Variants in TANC2 observed in about 807,000 individuals in gnomAD.
TANC2 encodes the protein protein TANC2.
Under a neutral mutation model 210.5 loss-of-function variants are expected in TANC2, and 26 were observed. The ratio of observed to expected loss-of-function variants is 0.12; its 90% CI spans 0.09 to 0.17. The LOEUF (loss-of-function observed/expected upper bound fraction) is 0.17, where lower values mean the gene tolerates loss of function less well. Among genes scored for constraint, TANC2 ranks in the 10% least tolerant of loss-of-function variants. The probability of loss-of-function intolerance (pLI) is 1.00; values close to 1 mark genes in which losing one functional copy is unlikely to be tolerated. For synonymous variants in TANC2, 931 were observed against 967.1 expected, an observed-to-expected ratio of 0.96 and a Z score of 0.69; for missense variants, 2,129 against 2,608.9, an observed-to-expected ratio of 0.82 and a Z score of 4.01.
At chr17:63,232,640 C>T (rs2042507755) in intron 7 of TANC2, among the ~76,000 whole-genome samples, 1 of 152,226 alleles carries the variant, frequency 6.6e-6, no homozygotes, top group Non-Finnish European at 1.5e-5. Context: ...TCTAGGAGCT[C>T]CATCCCAGAG....
chr17:62,999,215 G>GTC (rs758038440), intron 1 of TANC2, among the ~76,000 whole-genome samples: 8 of 152,136 alleles, frequency 5.3e-5, no homozygotes, highest in Non-Finnish European at 7.4e-5. Flanking sequence ...AACACACACT[G>GTC]TCTCTCACTC....
chr17:63,381,966 A>G (rs1054476347), intron 15 of TANC2, among the ~76,000 whole-genome samples: 4 of 152,214 alleles, frequency 2.6e-5, no homozygotes, highest in Non-Finnish European at 5.9e-5. Context: ...TTAAGAAACC[A>G]TGAGCTTAGA....
chr17:63,062,216 C>G lies in TANC2; in HGVS notation c.68-11727C>G, dbSNP rs79269876. ...CATTTTTGTTTAAAATTAGTTTACC[C>G]AAGTATGTATAAGGAGACATGTCAT... is the stretch of plus-strand genomic sequence containing the variant. On this transcript the variant is annotated intron_variant, in intron 2 of 27. Transcript: ENST00000689528. 3.4e-3 allele frequency among the ~76,000 whole-genome samples: 520 copies of G among 152,182 alleles called. 3 individuals are homozygous for G. Among genetic ancestry groups the G allele is most frequent in the Admixed American group, 5.7e-3 (87 of 15,290 alleles).
chr17:63,399,621 A>G (rs1042393178), intron 19 of TANC2, among the ~76,000 whole-genome samples: 1 of 152,252 alleles, frequency 6.6e-6, no homozygotes, highest in Non-Finnish European at 1.5e-5. Flanking sequence ...AACCAGGGCA[A>G]TGAAAACTGT....
In TANC2 at chr17:63,350,881, A is replaced by G. The variant is rs1017076840; in HGVS notation, c.1808-369A>G. ...CTTTAATGCTGTCAGATAGGGAAAA[A>G]AAAAAAAAAAAAACAGAACATGTTC... On this transcript the variant is annotated intron_variant, in intron 12 of 27. Transcript: ENST00000689528. Among the ~76,000 whole-genome samples the G allele has an allele frequency of 3.5e-3, 528 of 151,942 alleles. 3 individuals are homozygous for G. Among genetic ancestry groups the G allele is most frequent in the African/African-American group, 0.012 (505 of 41,462 alleles).
rs1332298931 is a variant in TANC2, at chr17:63,330,463, G to A, written c.1576-9638G>A. 2.0e-5 allele frequency among the ~76,000 whole-genome samples: 3 copies of A among 151,730 alleles called. No individual in the cohort carries two copies. In the East Asian group the frequency reaches 5.8e-4, roughly 29 times the overall value. On this transcript the variant is annotated intron_variant, in intron 11 of 27. Transcript: ENST00000689528. ...TTATTTTAAAAAAAAAATTTATTCA[G>A]GATCATAATTTGCATGACAATAAAC... is the stretch of plus-strand genomic sequence containing the variant.
intron 1 of TANC2, among the ~76,000 whole-genome samples, chr17:62,975,125 TAG>T: frequency 6.6e-6 from 1 of 152,288 alleles, no homozygotes; most frequent in East Asian, 1.9e-4. Context: ...AGTGGGTATA[TAG>T]AGATTGTGAT....
rs1039304918 is a variant in TANC2 at position 63,405,001 on chromosome 17, CATT to C, written c.3332-117_3332-115del. The C allele has an allele frequency of 1.4e-4, 172 of 1,209,718 alleles. No homozygotes were observed. In the Middle Eastern group the frequency reaches 1.7e-3, roughly 12 times the overall value. 74.9% of individuals were successfully genotyped at this position (1,209,718 alleles called of 1,614,324 possible). On this transcript the variant is annotated intron_variant, in intron 19 of 27. Coordinates refer to ENST00000689528, the Ensembl canonical transcript of TANC2. The stretch of plus-strand genomic sequence containing the variant: ...TCTTTATGGAAAAGGTGGCAAAAAT[CATT>C]ATTCTTAGAAGTAAAGTAGCAATTA...
At chr17:63,230,838 A>T (rs1288745732) in intron 7 of TANC2, among the ~76,000 whole-genome samples, 1 of 152,066 alleles carries the variant, frequency 6.6e-6, no homozygotes, top group Non-Finnish European at 1.5e-5. Context: ...TTCTGTCTTG[A>T]TTATCTGTCT....
At chr17:62,997,800 A>G (rs1454411144) in intron 1 of TANC2, among the ~76,000 whole-genome samples, 2 of 152,196 alleles carry the variant, frequency 1.3e-5, no homozygotes, top group Non-Finnish European at 2.9e-5. Context: ...TGTTTCTCAG[A>G]CTGGAAACCA....
At chr17:63,196,982 C>G (rs572599434) in intron 6 of TANC2, among the ~76,000 whole-genome samples, 2 of 152,060 alleles carry the variant, frequency 1.3e-5, no homozygotes, top group Admixed American at 6.6e-5. Flanking sequence ...CCATACTGTT[C>G]CAGTGTAATG....
chr17:63,356,244 C>T (rs1029692824), intron 14 of TANC2, among the ~76,000 whole-genome samples: 4 of 152,152 alleles, frequency 2.6e-5, no homozygotes, highest in African/African-American at 9.7e-5. Flanking sequence ...GCATCCTGGT[C>T]GGGGTGTGCT....
intron 7 of TANC2, among the ~76,000 whole-genome samples, chr17:63,204,456 G>A (rs765116689): frequency 2.6e-5 from 4 of 152,040 alleles, no homozygotes; most frequent in Non-Finnish European, 5.9e-5. Context: ...AATCCCAACA[G>A]TAGTCTTTGC....
At chr17:63,174,409 C>A (rs753122913) in intron 5 of TANC2, among the ~76,000 whole-genome samples, 2 of 152,172 alleles carry the variant, frequency 1.3e-5, no homozygotes, top group Non-Finnish European at 2.9e-5. Flanking sequence ...TGTTGCCCCC[C>A]CAAATTGTTG....
intron 14 of TANC2, among the ~76,000 whole-genome samples, chr17:63,373,574 G>A (rs551147398): frequency 1.3e-5 from 2 of 152,318 alleles, no homozygotes; most frequent in South Asian, 4.1e-4. Context: ...AGGCATGCGA[G>A]CTGGGTCTGT....
chr17:63,123,246 G>A (rs2145151299), intron 4 of TANC2, among the ~76,000 whole-genome samples: 1 of 152,216 alleles, frequency 6.6e-6, no homozygotes, highest in South Asian at 2.1e-4. Context: ...TGAGTTCAGG[G>A]TGGTAGGACG....
intron 2 of TANC2, among the ~76,000 whole-genome samples, chr17:63,044,856 C>G (rs974592770): frequency 3.3e-5 from 5 of 151,968 alleles, no homozygotes; most frequent in South Asian, 2.1e-4. Flanking sequence ...TTTTATAGGC[C>G]TTTAGAGTTC....
At chr17:63,042,354 A>T (rs1290053077) in intron 2 of TANC2, among the ~76,000 whole-genome samples, 1 of 152,138 alleles carries the variant, frequency 6.6e-6, no homozygotes, top group Non-Finnish European at 1.5e-5. Context: ...GATAAAAGTC[A>T]ACTATATTTT....
At chr17:63,384,508 T>C (rs1370761903) in intron 15 of TANC2, among the ~76,000 whole-genome samples, 2 of 152,138 alleles carry the variant, frequency 1.3e-5, no homozygotes, top group Non-Finnish European at 2.9e-5. Flanking sequence ...CACCAAAATA[T>C]AGGTGACTCT....
Sources: allele counts gnomAD v4.1 joint callset (sites outside exome capture counted in the v4.1 genomes callset), GRCh38; gene constraint gnomAD v4.1.1; transcripts MANE v1.5; gene names NCBI Gene and HGNC (gene_info 2026-07-23, HGNC 2026-07-21).